GPC5: variants seen among roughly 807,000 people sequenced by gnomAD.
GPC5 encodes the protein glypican 5.
Under a neutral mutation model 53.9 loss-of-function variants are expected in GPC5, and 47 were observed. The observed-to-expected ratio is 0.87, with a 90% CI of 0.69 to 1.11. The LOEUF is 1.11. Ranked by LOEUF, GPC5 falls within the 50% of genes most tolerant of loss-of-function variation. The pLI, the probability that GPC5 is intolerant of heterozygous loss-of-function variation, is 0.00. For synonymous variants in GPC5, 286 were observed against 263.3 expected (o/e 1.09, Z -0.84); for missense variants, 748 against 713.1 (o/e 1.05, Z -0.56).
chr13:92,542,605 C>T (rs753350493), intron 7 of GPC5, among the ~76,000 whole-genome samples: 1 of 151,828 alleles, frequency 6.6e-6, no homozygotes, highest in African/African-American at 2.4e-5. Context: ...CATTTTTTCA[C>T]GATGTTAATT....
intron 7 of GPC5, among the ~76,000 whole-genome samples, chr13:92,607,904 G>A (rs892540573): frequency 6.6e-6 from 1 of 152,128 alleles, no homozygotes. Flanking sequence ...GAGACATCAA[G>A]ACCAACACCT....
At chr13:92,018,393 A>G (rs1253246898) in intron 6 of GPC5, among the ~76,000 whole-genome samples, 6 of 152,174 alleles carry the variant, frequency 3.9e-5, no homozygotes, top group Non-Finnish European at 5.9e-5. Context: ...GAGTTCGACT[A>G]TATAAGGAAG....
intron 3 of GPC5, among the ~76,000 whole-genome samples, chr13:91,703,456 T>C (rs1204691194): frequency 6.6e-6 from 1 of 152,198 alleles, no homozygotes; most frequent in Non-Finnish European, 1.5e-5. Context: ...TCATTCATTC[T>C]GTTAAAGTGG....
chr13:92,503,177 T>C (rs1880251501), intron 7 of GPC5, among the ~76,000 whole-genome samples: 1 of 151,966 alleles, frequency 6.6e-6, no homozygotes, highest in African/African-American at 2.4e-5. Flanking sequence ...AGTGTAACTA[T>C]CATCCAAATA....
rs545243427 is a variant in GPC5 at position 92,286,651 on chromosome 13, C to T, written c.1561+141662C>T. Among the ~76,000 whole-genome samples, 7 of 149,704 alleles carry T rather than the reference C, an allele frequency of 4.7e-5. No homozygotes were observed. The East Asian group carries it at 1.2e-3, about 26-fold the overall frequency. ...ATCTCAAGGACAAAAAACCAAATAC[C>T]GCATGTTCTCACTTATAGGTGGGAA... On this transcript the variant is annotated intron_variant, in intron 7 of 7. Coordinates refer to ENST00000377067, the MANE Select transcript of GPC5 (RefSeq NM_004466.6).
At chr13:91,857,029 G>T (rs775148520) in intron 5 of GPC5, among the ~76,000 whole-genome samples, 2 of 149,720 alleles carry the variant, frequency 1.3e-5, no homozygotes, top group Non-Finnish European at 3.0e-5. Flanking sequence ...AATTTGAATT[G>T]CTTAGTGCCT....
intron 7 of GPC5, among the ~76,000 whole-genome samples, chr13:92,221,846 A>G (rs1025658296): frequency 6.6e-6 from 1 of 150,868 alleles, no homozygotes; most frequent in African/African-American, 2.4e-5. Context: ...CTAATAAGAT[A>G]TATCTCTTTA....
intron 7 of GPC5, among the ~76,000 whole-genome samples, chr13:92,670,069 C>T (rs1301944213): frequency 4.6e-5 from 7 of 152,152 alleles, no homozygotes; most frequent in East Asian, 1.9e-4. Flanking sequence ...GGATTTCCAG[C>T]GCCTAGCACA....
intron 2 of GPC5, among the ~76,000 whole-genome samples, chr13:91,507,794 A>G (rs1885020896): frequency 6.6e-6 from 1 of 152,218 alleles, no homozygotes; most frequent in Admixed American, 6.5e-5. Flanking sequence ...ATAGCAGTAT[A>G]TTTGTGAGTC....
chr13:92,061,106 C>T lies in GPC5; in HGVS notation c.1402-83724C>T, dbSNP rs536732301. 2.6e-5 allele frequency among the ~76,000 whole-genome samples: 4 copies of T among 151,986 alleles called. No individual in the cohort carries two copies. In the East Asian group the frequency reaches 7.7e-4, roughly 29 times the overall value. ...GTAACCTGGGTGCTGTTAGATAATA[C>T]ATAGCACTTTATTGTTAATAGAAAA... is the stretch of plus-strand genomic sequence containing the variant. On this transcript the variant is annotated intron_variant, in intron 6 of 7. Coordinates refer to ENST00000377067, the MANE Select transcript of GPC5 (RefSeq NM_004466.6).
At position 92,108,774 on chromosome 13, in the gene GPC5, A is replaced by G. The variant is rs1055796812; in HGVS notation, c.1402-36056A>G. On this transcript the variant is annotated intron_variant, in intron 6 of 7. Transcript: ENST00000377067. ...CTCTTGAACTTTTTTCTCTCATCCT[A>G]CTCTGTTTCTATTGTCCTTTAATAG... Among the ~76,000 whole-genome samples, 13 of 151,732 alleles carry G rather than the reference A, an allele frequency of 8.6e-5. No homozygotes were observed. In the South Asian group the frequency reaches 2.7e-3, roughly 32 times the overall value.
At chr13:91,559,422 G>GAGAACC (rs2031135948) in intron 2 of GPC5, among the ~76,000 whole-genome samples, 1 of 152,122 alleles carries the variant, frequency 6.6e-6, no homozygotes, top group African/African-American at 2.4e-5. Context: ...GAGCTTCTAT[G>GAGAACC]ATGGCCATAA....
At chr13:92,616,360 A>G (rs943579369) in intron 7 of GPC5, among the ~76,000 whole-genome samples, 19 of 152,176 alleles carry the variant, frequency 1.2e-4, no homozygotes, top group Non-Finnish European at 2.1e-4. Flanking sequence ...GCATCTTGAA[A>G]TCAAATATGC....
intron 2 of GPC5, among the ~76,000 whole-genome samples, chr13:91,669,907 T>C (rs921047597): frequency 6.6e-6 from 1 of 152,222 alleles, no homozygotes; most frequent in African/African-American, 2.4e-5. Flanking sequence ...AATACATTGC[T>C]TGAATATCTA....
chr13:92,472,267 CT>C (rs1428075607), intron 7 of GPC5, among the ~76,000 whole-genome samples: 2 of 152,098 alleles, frequency 1.3e-5, no homozygotes, highest in Non-Finnish European at 2.9e-5. Context: ...ATCCCCTTCT[CT>C]TTCCAGGAAT....
At chr13:92,146,441 TTA>T in intron 7 of GPC5, among the ~76,000 whole-genome samples, 1 of 152,226 alleles carries the variant, frequency 6.6e-6, no homozygotes, top group Non-Finnish European at 1.5e-5. Context: ...TTGATGAAAA[TTA>T]TAGTTTTCTG....
chr13:91,530,752 G>C (rs1356150832), intron 2 of GPC5, among the ~76,000 whole-genome samples: 1 of 152,072 alleles, frequency 6.6e-6, no homozygotes, highest in African/African-American at 2.4e-5. Flanking sequence ...GCGAGATATT[G>C]GAATATTTAG....
chr13:91,472,116 T>A (rs1308696131), intron 2 of GPC5, among the ~76,000 whole-genome samples: 1 of 152,180 alleles, frequency 6.6e-6, no homozygotes, highest in Non-Finnish European at 1.5e-5. Flanking sequence ...CTCTGTTCAA[T>A]CAATTGTGTT....
chr13:92,198,288 A>C lies in GPC5; in HGVS notation c.1561+53299A>C, dbSNP rs141188975. Among the ~76,000 whole-genome samples the C allele has an allele frequency of 1.4e-3, 211 of 152,316 alleles. 1 individual carries two copies. Among genetic ancestry groups the C allele is most frequent in the African/African-American group, 4.9e-3 (203 of 41,572 alleles). ...AGAACAGCATCCTTACTGGTGCTACATTCCTCTATATCCTTTAACCTAGGA... is the reference window on the plus strand; with the variant it reads ...AGAACAGCATCCTTACTGGTGCTACCTTCCTCTATATCCTTTAACCTAGGA... On this transcript the variant is annotated intron_variant, in intron 7 of 7. Transcript: ENST00000377067.
Sources: gnomAD v4.1 joint callset for allele counts (sites outside exome capture counted in the v4.1 genomes callset) on GRCh38, gnomAD v4.1.1 for gene constraint, MANE v1.5 for transcripts, NCBI Gene and HGNC (gene_info 2026-07-23, HGNC 2026-07-21) for gene names.